BCL2: variants seen among roughly 807,000 people sequenced by gnomAD.
The protein encoded by BCL2 is BCL2 apoptosis regulator, also known as apoptosis regulator Bcl-2.
A neutral mutation model predicts 14.2 loss-of-function variants in BCL2; 1 was observed. The ratio of observed to expected loss-of-function variants is 0.07; its 90% CI spans 0.02 to 0.33. The LOEUF (loss-of-function observed/expected upper bound fraction) is 0.33, where lower values mean the gene tolerates loss of function less well. BCL2 is among the 10% of genes least tolerant of loss of function. The pLI is 0.99. For missense variants in BCL2, 247 were observed against 305.9 expected (o/e 0.81, Z 1.44); for synonymous variants, 151 against 137.2 (o/e 1.10, Z -0.70).
At chr18:63,259,055 T>C (rs1911573366) in intron 2 of BCL2, among the ~76,000 whole-genome samples, 1 of 152,252 alleles carries the variant, frequency 6.6e-6, no homozygotes, top group Non-Finnish European at 1.5e-5. Flanking sequence ...AAAAAGACAT[T>C]CTAAGTGCTC....
intron 2 of BCL2, among the ~76,000 whole-genome samples, chr18:63,166,917 G>A (rs2144624724): frequency 6.6e-6 from 1 of 152,118 alleles, no homozygotes; most frequent in South Asian, 2.1e-4. Context: ...CAGGTGCTAG[G>A]CACTGGGCTA....
At chr18:63,303,048 C>T (rs943274162) in intron 2 of BCL2, among the ~76,000 whole-genome samples, 3 of 152,052 alleles carry the variant, frequency 2.0e-5, no homozygotes, top group African/African-American at 7.2e-5. Flanking sequence ...TGTCATTCCA[C>T]CTCTGGACTC....
intron 2 of BCL2, among the ~76,000 whole-genome samples, chr18:63,162,461 C>T (rs1300623298): frequency 6.6e-6 from 1 of 152,120 alleles, no homozygotes; most frequent in East Asian, 1.9e-4. Context: ...CTTCAACTTG[C>T]CTTTATTCCA....
intron 2 of BCL2, among the ~76,000 whole-genome samples, chr18:63,292,986 C>G (rs1317965536): frequency 1.3e-5 from 2 of 152,218 alleles, no homozygotes. Context: ...TGGACCCTCA[C>G]TTTGGTTGGA....
At chr18:63,150,331 A>G (rs1914623244) in intron 2 of BCL2, among the ~76,000 whole-genome samples, 1 of 152,262 alleles carries the variant, frequency 6.6e-6, no homozygotes, top group Non-Finnish European at 1.5e-5. Context: ...AGCAACACCC[A>G]GCTGAAGAGT....
At chr18:63,256,844 A>G (rs1341752202) in intron 2 of BCL2, among the ~76,000 whole-genome samples, 5 of 152,226 alleles carry the variant, frequency 3.3e-5, no homozygotes, top group African/African-American at 1.2e-4. Context: ...AGAGTCATTA[A>G]CAGTATGTTC....
intron 2 of BCL2, among the ~76,000 whole-genome samples, chr18:63,135,070 T>A (rs1337349284): frequency 1.3e-5 from 2 of 152,230 alleles, no homozygotes; most frequent in African/African-American, 2.4e-5. Context: ...GCTCTTTTTT[T>A]AAATAGGTGA....
intron 2 of BCL2, among the ~76,000 whole-genome samples, chr18:63,212,296 C>G (rs1035428927): frequency 2.6e-5 from 4 of 151,602 alleles, no homozygotes; most frequent in Non-Finnish European, 1.5e-5. Flanking sequence ...CCACTGCACT[C>G]CAGCCTGGGC....
chr18:63,268,659 T>G (rs964515332), intron 2 of BCL2, among the ~76,000 whole-genome samples: 1 of 152,230 alleles, frequency 6.6e-6, no homozygotes, highest in Admixed American at 6.5e-5. Context: ...AAATTGCCAT[T>G]ACACACTTAA....
intron 2 of BCL2, among the ~76,000 whole-genome samples, chr18:63,285,715 G>T (rs535384160): frequency 6.6e-6 from 1 of 152,052 alleles, no homozygotes; most frequent in African/African-American, 2.4e-5. Context: ...AGTGTGTAGC[G>T]GGAGAGGGTG....
At chr18:63,293,469 A>G (rs965344811) in intron 2 of BCL2, among the ~76,000 whole-genome samples, 10 of 152,320 alleles carry the variant, frequency 6.6e-5, no homozygotes, top group African/African-American at 2.2e-4. Flanking sequence ...TCTCTATGAG[A>G]TATCTTCCAC....
intron 2 of BCL2, among the ~76,000 whole-genome samples, chr18:63,151,896 CAG>C (rs1411482191): frequency 3.3e-5 from 5 of 152,182 alleles, no homozygotes; most frequent in African/African-American, 9.7e-5. Flanking sequence ...AGCTAGAAAA[CAG>C]AGAGTTAAAT....
rs1258935664 is a variant in BCL2 at position 63,259,363 on chromosome 18, G to T, written c.585+58719C>A. 2.0e-5 allele frequency among the ~76,000 whole-genome samples: 3 copies of T among 152,206 alleles called. No homozygotes were observed. The East Asian group carries it at 5.8e-4, about 29-fold the overall frequency. Reference sequence around the variant, plus strand: ...AAAGGCAAACGCAGTTTGCATGCACGCAGGGCTTCGCTGAGGTCTATTTGT... The same window carrying T: ...AAAGGCAAACGCAGTTTGCATGCACTCAGGGCTTCGCTGAGGTCTATTTGT... On this transcript the variant is annotated intron_variant, in intron 2 of 2. Coordinates refer to ENST00000333681, the MANE Select transcript of BCL2 (RefSeq NM_000633.3).
chr18:63,166,135 G>A (rs1915039080), intron 2 of BCL2, among the ~76,000 whole-genome samples: 1 of 152,208 alleles, frequency 6.6e-6, no homozygotes, highest in African/African-American at 2.4e-5. Context: ...GGCTTGGGGG[G>A]CACTCACGGC....
chr18:63,183,202 A>G (rs867905640), intron 2 of BCL2, among the ~76,000 whole-genome samples: 2 of 152,314 alleles, frequency 1.3e-5, no homozygotes, highest in South Asian at 2.1e-4. Context: ...ACAGCAACTC[A>G]TGGAGGGCAA....
intron 2 of BCL2, chr18:63,314,448 CCT>C (rs1913432614): frequency 6.6e-6 from 1 of 152,180 alleles, no homozygotes; most frequent in Non-Finnish European, 1.5e-5. Context: ...TGGAGAAGTT[CCT>C]GTCTTCCTAA....
intron 2 of BCL2, among the ~76,000 whole-genome samples, chr18:63,264,587 A>T (rs1911761538): frequency 6.6e-6 from 1 of 152,240 alleles, no homozygotes; most frequent in South Asian, 2.1e-4. Flanking sequence ...CACTGTCTCC[A>T]AATTACTGGT....
chr18:63,238,484 A>G (rs1910900964), intron 2 of BCL2, among the ~76,000 whole-genome samples: 1 of 152,242 alleles, frequency 6.6e-6, no homozygotes, highest in South Asian at 2.1e-4. Context: ...CATGGGGCCC[A>G]TAACAACGGG....
rs117269413 is a variant in BCL2, at chr18:63,309,546, C to T, written c.585+8536G>A. ...CTGCTGTCAGTCCTTTGATTCTACA[C>T]GTGCAGTGTGCCCACATCTGTCCTG... On this transcript the variant is annotated intron_variant, in intron 2 of 2. Transcript: ENST00000333681. Among the ~76,000 whole-genome samples the T allele has an allele frequency of 3.0e-3, 454 of 152,322 alleles. 3 individuals carry two copies. The highest frequency in any genetic ancestry group is 4.1e-3 in the Non-Finnish European group (282 of 68,022).
Sources: allele counts gnomAD v4.1 joint callset (sites outside exome capture counted in the v4.1 genomes callset), GRCh38; gene constraint gnomAD v4.1.1; transcripts MANE v1.5; gene names NCBI Gene and HGNC (gene_info 2026-07-23, HGNC 2026-07-21).